TCF4: variants seen among roughly 807,000 people sequenced by gnomAD.
TCF4 encodes SL3-3 enhancer factor 2.
In TCF4, 3 loss-of-function variants were observed where a neutral mutation model predicts 82.1. That is an observed-to-expected ratio of 0.04 (90% confidence interval 0.02 to 0.09). TCF4 has a LOEUF of 0.09. TCF4 is among the 10% of genes least tolerant of loss of function. The pLI, the probability that TCF4 is intolerant of heterozygous loss-of-function variation, is 1.00. For synonymous variants in TCF4, 276 were observed against 309.6 expected, an observed-to-expected ratio of 0.89 and a Z score of 1.14; for missense variants, 518 against 852.7, an observed-to-expected ratio of 0.61 and a Z score of 4.89.
chr18:55,405,472 A>G (rs1454873210), intron 5 of TCF4, among the ~76,000 whole-genome samples: 3 of 152,198 alleles, frequency 2.0e-5, no homozygotes, highest in Non-Finnish European at 4.4e-5. Context: ...ATTGTAAAAT[A>G]CAGTTTAAGG....
At chr18:55,495,141 A>T (rs925694565) in intron 3 of TCF4, among the ~76,000 whole-genome samples, 1 of 152,032 alleles carries the variant, frequency 6.6e-6, no homozygotes, top group Non-Finnish European at 1.5e-5. Flanking sequence ...TTTGATTCAG[A>T]CTGTTGACTC....
chr18:55,279,455 G>A, intron 9 of TCF4, 96 bp downstream of exon 9: 1 of 1,568,124 alleles, frequency 6.4e-7, no homozygotes. Context: ...TTCTACACTT[G>A]CCTACTATTC....
intron 6 of TCF4, among the ~76,000 whole-genome samples, chr18:55,398,751 G>A (rs781433190): frequency 6.6e-6 from 1 of 152,172 alleles, no homozygotes; most frequent in African/African-American, 2.4e-5. Context: ...GAAACACTAG[G>A]TCATTGCAAT....
chr18:55,428,190 A>G (rs7227418), intron 5 of TCF4, among the ~76,000 whole-genome samples: 14,363 of 152,078 alleles, frequency 0.094, 1,393 homozygotes, highest in African/African-American at 0.24. Context: ...ATGACCAAAA[A>G]AGACACACCC....
At chr18:55,372,378 C>A (rs2089489442) in intron 6 of TCF4, among the ~76,000 whole-genome samples, 1 of 151,442 alleles carries the variant, frequency 6.6e-6, no homozygotes, top group South Asian at 2.1e-4. Flanking sequence ...ATCCCAGGGT[C>A]AATACATACA....
intron 3 of TCF4, among the ~76,000 whole-genome samples, chr18:55,584,982 T>G (rs901677187): frequency 2.6e-5 from 4 of 152,210 alleles, no homozygotes; most frequent in African/African-American, 4.8e-5. Flanking sequence ...TTATTCCCCA[T>G]GTTAACACTG....
chr18:55,404,154 G>T, intron 5 of TCF4: 1 of 491,330 alleles, frequency 2.0e-6, no homozygotes, highest in Non-Finnish European at 2.8e-6. Flanking sequence ...CAGGACAAGG[G>T]ATCATGGAAT....
intron 5 of TCF4, among the ~76,000 whole-genome samples, chr18:55,413,982 G>A (rs1329918718): frequency 6.6e-6 from 1 of 152,088 alleles, no homozygotes; most frequent in Admixed American, 6.5e-5. Context: ...TTCTCAAGGA[G>A]GTAAGAGTTT....
At chr18:55,443,803 C>T (rs945766506) in intron 5 of TCF4, among the ~76,000 whole-genome samples, 9 of 152,134 alleles carry the variant, frequency 5.9e-5, no homozygotes, top group Non-Finnish European at 1.3e-4. Context: ...ACAAAAATAG[C>T]GCCATTAACT....
intron 15 of TCF4, among the ~76,000 whole-genome samples, chr18:55,243,097 T>C (rs1361363441): frequency 6.6e-6 from 1 of 152,206 alleles, no homozygotes. Flanking sequence ...CGAATTTTGA[T>C]ATAGATTATC....
chr18:55,244,742 TC>T (rs2052496265), intron 15 of TCF4, among the ~76,000 whole-genome samples: 1 of 152,156 alleles, frequency 6.6e-6, no homozygotes, highest in Admixed American at 6.5e-5. Context: ...ACCAGCTGTT[TC>T]CCATCTAGAC....
At chr18:55,430,603 C>T (rs1466070301) in intron 5 of TCF4, among the ~76,000 whole-genome samples, 1 of 151,390 alleles carries the variant, frequency 6.6e-6, no homozygotes, top group African/African-American at 2.4e-5. Context: ...CCCAGCTCTT[C>T]CCATGCCTGC....
intron 3 of TCF4, among the ~76,000 whole-genome samples, chr18:55,477,565 T>C (rs958238541): frequency 2.0e-5 from 3 of 152,204 alleles, no homozygotes; most frequent in Admixed American, 6.5e-5. Context: ...CACAGGGCAG[T>C]GCCCAGGCAT....
intron 5 of TCF4, among the ~76,000 whole-genome samples, chr18:55,408,187 A>T (rs1388425215): frequency 2.0e-5 from 3 of 152,162 alleles, no homozygotes; most frequent in Non-Finnish European, 4.4e-5. Context: ...TAGGTGTTTC[A>T]CCCACCGCTG....
At chr18:55,467,552 C>T (rs977494695) in intron 3 of TCF4, among the ~76,000 whole-genome samples, 1 of 152,144 alleles carries the variant, frequency 6.6e-6, no homozygotes, top group Non-Finnish European at 1.5e-5. Context: ...CAAATGCATG[C>T]CCCACACCAC....
At chr18:55,259,716 T>C (rs1274733340) in intron 13 of TCF4, 2 of 530,796 alleles carry the variant, frequency 3.8e-6, no homozygotes, top group Admixed American at 3.3e-5. Flanking sequence ...ATTTTCCATA[T>C]GCCTGTATAT....
At chr18:55,377,357 T>G (rs963241413) in intron 6 of TCF4, among the ~76,000 whole-genome samples, 1 of 152,132 alleles carries the variant, frequency 6.6e-6, no homozygotes, top group African/African-American at 2.4e-5. Context: ...ATAATAAATA[T>G]GACAGGTACA....
intron 8 of TCF4, among the ~76,000 whole-genome samples, chr18:55,302,907 CATTT>C (rs908808783): frequency 2.6e-5 from 4 of 152,140 alleles, no homozygotes; most frequent in Non-Finnish European, 5.9e-5. Context: ...TGGGGCAATG[CATTT>C]ATTTCTCAAA....
At chr18:55,430,641 GAAA>G (rs5825140) in intron 5 of TCF4, among the ~76,000 whole-genome samples, 1 of 150,562 alleles carries the variant, frequency 6.6e-6, no homozygotes, top group Non-Finnish European at 1.5e-5. Flanking sequence ...CAGAAAGCAG[GAAA>G]AAAAAAAAGA....
Sources: allele counts gnomAD v4.1 joint callset (sites outside exome capture counted in the v4.1 genomes callset), GRCh38; gene constraint gnomAD v4.1.1; transcripts MANE v1.5; gene names NCBI Gene and HGNC (gene_info 2026-07-23, HGNC 2026-07-21).